The following IGF1 variants were observed in gnomAD, a reference collection of about 807,000 sequenced individuals.
IGF1 encodes the protein insulin-like growth factor 1.
IGF1 carries 4 observed loss-of-function variants against 13.8 expected under a neutral mutation model. The ratio of observed to expected loss-of-function variants is 0.29; its 90% confidence interval spans 0.14 to 0.66. The LOEUF is 0.66. Among genes scored for constraint, IGF1 ranks in the 30% least tolerant of loss-of-function variants. The pLI is 0.78. For missense variants in IGF1, 124 were observed against 188.5 expected, an observed-to-expected ratio of 0.66 and a Z score of 2.00; for synonymous variants, 76 against 72.6, an observed-to-expected ratio of 1.05 and a Z score of -0.23.
At chr12:102,458,731 A>T (rs1565998061) in intron 2 of IGF1, among the ~76,000 whole-genome samples, 1 of 50,622 alleles carries the variant, frequency 2.0e-5, no homozygotes. Context: ...AACACTGACC[A>T]AAAAAAAAAA....
intron 2 of IGF1, among the ~76,000 whole-genome samples, chr12:102,439,354 A>G (rs1278242936): frequency 6.6e-6 from 1 of 152,204 alleles, no homozygotes; most frequent in South Asian, 2.1e-4. Context: ...TGTTTTTCAG[A>G]TGGCACTAAG....
At chr12:102,450,743 A>T (rs906863286) in intron 2 of IGF1, among the ~76,000 whole-genome samples, 1 of 152,218 alleles carries the variant, frequency 6.6e-6, no homozygotes, top group Non-Finnish European at 1.5e-5. Context: ...CAATACAATA[A>T]TATACTTCCA....
At chr12:102,468,913 G>A (rs1175462463) in intron 2 of IGF1, among the ~76,000 whole-genome samples, 2 of 152,204 alleles carry the variant, frequency 1.3e-5, no homozygotes, top group African/African-American at 4.8e-5. Flanking sequence ...TGTAAAACCA[G>A]AAGGAAGGCT....
At chr12:102,411,967 T>G (rs963869217) in intron 3 of IGF1, among the ~76,000 whole-genome samples, 3 of 152,194 alleles carry the variant, frequency 2.0e-5, no homozygotes, top group African/African-American at 7.2e-5. Context: ...ATTGGCTGGA[T>G]GCATTGACCT....
At position 102,397,237 on chromosome 12, in the gene IGF1, A is replaced by C. The variant is rs6221; in HGVS notation, c.*5270T>G. On this transcript the variant is annotated 3_prime_UTR_variant, in exon 4 of 4. Transcript: ENST00000337514. ...AAAAAAAAAAGAGGGAACACGTGAA[A>C]TATATGTTTTCAGTGAGGTTCCTTT... 7.8e-3 allele frequency: 1,259 copies of C among 162,038 alleles called. 18 individuals carry two copies. The highest frequency in any genetic ancestry group is 0.028 in the African/African-American group (1,192 of 41,948). The allele number at this position is 162,038 out of a possible 1,614,324, so 10.0% of individuals were successfully genotyped here.
At chr12:102,479,057 G>C (rs1881248056) in intron 1 of IGF1, among the ~76,000 whole-genome samples, 1 of 152,212 alleles carries the variant, frequency 6.6e-6, no homozygotes, top group South Asian at 2.1e-4. Context: ...TTCTTAACTT[G>C]TAATTAATGC....
chr12:102,472,162 T>C (rs1039767192), intron 2 of IGF1, among the ~76,000 whole-genome samples: 6 of 152,162 alleles, frequency 3.9e-5, no homozygotes, highest in African/African-American at 1.4e-4. Context: ...CTATGATGCA[T>C]AGGAAAGAAT....
chr12:102,479,825 T>C (rs1566012566), intron 1 of IGF1, among the ~76,000 whole-genome samples: 1 of 152,162 alleles, frequency 6.6e-6, no homozygotes, highest in Admixed American at 6.5e-5. Flanking sequence ...TTAAAAGCTT[T>C]AATATCATCT....
chr12:102,467,552 A>G lies in IGF1; in HGVS notation c.220+8091T>C, dbSNP rs192765039. ...CAAATTATGACCTTAAGTGGACGGA[A>G]TGCCCAAAGTACATGTGAAGGCTTT... On this transcript the variant is annotated intron_variant, in intron 2 of 3. Coordinates refer to ENST00000337514, the MANE Select transcript of IGF1 (RefSeq NM_000618.5). 1.1e-3 allele frequency among the ~76,000 whole-genome samples: 168 copies of G among 152,340 alleles called. 1 individual carries two copies. Among genetic ancestry groups the G allele is most frequent in the Non-Finnish European group, 1.9e-3 (127 of 68,024 alleles).
At chr12:102,435,029 A>G (rs1877101694) in intron 2 of IGF1, among the ~76,000 whole-genome samples, 1 of 152,260 alleles carries the variant, frequency 6.6e-6, no homozygotes, top group African/African-American at 2.4e-5. Context: ...ACAATTAAAA[A>G]TAATACACAT....
chr12:102,464,998 T>G (rs1015360614), intron 2 of IGF1, among the ~76,000 whole-genome samples: 2 of 152,220 alleles, frequency 1.3e-5, no homozygotes, highest in African/African-American at 4.8e-5. Context: ...GGTAAAATGA[T>G]AGGCCCCATC....
chr12:102,447,664 C>A (rs528311735), intron 2 of IGF1, among the ~76,000 whole-genome samples: 3 of 152,160 alleles, frequency 2.0e-5, no homozygotes, highest in Non-Finnish European at 4.4e-5. Context: ...TGGGTCTTGA[C>A]TCTATCCTAT....
chr12:102,410,670 TG>T (rs1311609336), intron 3 of IGF1, among the ~76,000 whole-genome samples: 1 of 152,236 alleles, frequency 6.6e-6, no homozygotes, highest in East Asian at 1.9e-4. Flanking sequence ...TTTTACCTTT[TG>T]GTGTCATTTC....
At chr12:102,472,167 A>G (rs1880727525) in intron 2 of IGF1, among the ~76,000 whole-genome samples, 1 of 152,170 alleles carries the variant, frequency 6.6e-6, no homozygotes. Context: ...ATGCATAGGA[A>G]AGAATGAGTA....
intron 2 of IGF1, among the ~76,000 whole-genome samples, chr12:102,469,251 A>G (rs1880541241): frequency 6.6e-6 from 1 of 152,116 alleles, no homozygotes; most frequent in Non-Finnish European, 1.5e-5. Flanking sequence ...CTCTAATAGC[A>G]CCCCAAGAAA....
At position 102,396,350 on chromosome 12, in the gene IGF1, T is replaced by C. The variant is rs1873181326; in HGVS notation, c.*6157A>G. Reference sequence around the variant, plus strand: ...TATAAGCTGCGTGATATTTGAAAGGTTTTGATATTTTGAATAGACATTTTC... The same window carrying C: ...TATAAGCTGCGTGATATTTGAAAGGCTTTGATATTTTGAATAGACATTTTC... On this transcript the variant is annotated 3_prime_UTR_variant, in exon 4 of 4. Transcript: ENST00000337514. The C allele has an allele frequency of 6.6e-6, 1 of 152,204 alleles. No homozygotes were observed. The highest frequency in any genetic ancestry group is 1.5e-5 in the Non-Finnish European group (1 of 68,052). The allele number at this position is 152,204 out of a possible 1,614,324, so 9.4% of individuals were successfully genotyped here.
intron 2 of IGF1, among the ~76,000 whole-genome samples, chr12:102,453,265 G>A (rs542465599): frequency 1.3e-5 from 2 of 152,314 alleles, no homozygotes; most frequent in East Asian, 1.9e-4. Flanking sequence ...TTTATAGGAT[G>A]TAGGTTTTCA....
chr12:102,473,022 T>A (rs1880783312), intron 2 of IGF1, among the ~76,000 whole-genome samples: 1 of 152,172 alleles, frequency 6.6e-6, no homozygotes, highest in Non-Finnish European at 1.5e-5. Flanking sequence ...TCTATTCGAT[T>A]GGATTCAACT....
intron 2 of IGF1, chr12:102,463,153 A>C (rs1880054860): frequency 6.6e-6 from 1 of 152,190 alleles, no homozygotes; most frequent in South Asian, 2.1e-4. Flanking sequence ...AAAATTAGAC[A>C]AATTATCAAT....
Sources: allele counts gnomAD v4.1 joint callset (sites outside exome capture counted in the v4.1 genomes callset), GRCh38; gene constraint gnomAD v4.1.1; transcripts MANE v1.5; gene names NCBI Gene and HGNC (gene_info 2026-07-23, HGNC 2026-07-21).